PPP2R5E: variants seen among roughly 807,000 people sequenced by gnomAD.
PPP2R5E encodes protein phosphatase 2 regulatory subunit B'epsilon.
PPP2R5E carries 4 observed loss-of-function variants against 65.3 expected under a neutral mutation model. The ratio of observed to expected loss-of-function variants is 0.06; its 90% CI spans 0.03 to 0.14. PPP2R5E has a LOEUF of 0.14. Ranked by LOEUF, PPP2R5E falls within the 10% of genes least tolerant of loss-of-function variation. PPP2R5E has a pLI of 1.00. For synonymous variants in PPP2R5E, 183 were observed against 187.4 expected (o/e 0.98, Z 0.19); for missense variants, 274 against 556.1 (o/e 0.49, Z 5.10).
intron 2 of PPP2R5E, among the ~76,000 whole-genome samples, chr14:63,455,396 G>C (rs1339269440): frequency 6.6e-6 from 1 of 152,164 alleles, no homozygotes; most frequent in Non-Finnish European, 1.5e-5. Flanking sequence ...ACAAGAAGCA[G>C]TCCATATCTT....
intron 5 of PPP2R5E, among the ~76,000 whole-genome samples, chr14:63,401,932 G>C (rs1566676720): frequency 6.6e-6 from 1 of 152,132 alleles, no homozygotes; most frequent in Non-Finnish European, 1.5e-5. Flanking sequence ...GTAAGGGTGT[G>C]AGAAATAGCT....
intron 4 of PPP2R5E, among the ~76,000 whole-genome samples, chr14:63,416,228 G>A (rs1483131316): frequency 6.6e-6 from 1 of 152,224 alleles, no homozygotes; most frequent in Admixed American, 6.5e-5. Flanking sequence ...GCTGAGGAGG[G>A]AGGACTGCTT....
intron 13 of PPP2R5E, among the ~76,000 whole-genome samples, chr14:63,379,081 T>C (rs1024167815): frequency 1.3e-5 from 2 of 151,460 alleles, no homozygotes; most frequent in African/African-American, 4.9e-5. Flanking sequence ...CAGGCTGGAG[T>C]GCAGTGGTGT....
intron 2 of PPP2R5E, among the ~76,000 whole-genome samples, chr14:63,527,544 G>A (rs1422799302): frequency 6.6e-6 from 1 of 152,276 alleles, no homozygotes; most frequent in Non-Finnish European, 1.5e-5. Context: ...TCTAGCACTA[G>A]GCTAAATGTT....
chr14:63,412,564 A>C (rs1886449650), intron 5 of PPP2R5E, among the ~76,000 whole-genome samples: 2 of 152,202 alleles, frequency 1.3e-5, no homozygotes, highest in African/African-American at 4.8e-5. Context: ...AAATGAGAGA[A>C]GGTTGACAGA....
At chr14:63,380,761 C>A (rs1237550019) in intron 13 of PPP2R5E, among the ~76,000 whole-genome samples, 1 of 152,170 alleles carries the variant, frequency 6.6e-6, no homozygotes, top group African/African-American at 2.4e-5. Context: ...ATCCCAGCCT[C>A]TTCTGAGATT....
intron 2 of PPP2R5E, among the ~76,000 whole-genome samples, chr14:63,533,504 T>G (rs1594980619): frequency 6.6e-6 from 1 of 152,110 alleles, no homozygotes; most frequent in Non-Finnish European, 1.5e-5. Context: ...GAGGCTGTGG[T>G]GAGCCGAGAT....
intron 2 of PPP2R5E, among the ~76,000 whole-genome samples, chr14:63,537,661 G>A (rs1455824647): frequency 1.3e-5 from 2 of 151,998 alleles, no homozygotes; most frequent in Non-Finnish European, 1.5e-5. Context: ...GATCTTTTCC[G>A]GTTACATTCC....
At chr14:63,471,204 G>T (rs913728323) in intron 2 of PPP2R5E, among the ~76,000 whole-genome samples, 1 of 152,184 alleles carries the variant, frequency 6.6e-6, no homozygotes, top group South Asian at 2.1e-4. Context: ...GATGTCTTAT[G>T]TATAGATTGT....
At chr14:63,510,092 G>GA (rs1291997296) in intron 2 of PPP2R5E, among the ~76,000 whole-genome samples, 2 of 152,170 alleles carry the variant, frequency 1.3e-5, no homozygotes, top group Admixed American at 1.3e-4. Context: ...TATTTATAAA[G>GA]AAAAATGACC....
chr14:63,377,079 A>G lies in PPP2R5E; in HGVS notation c.1305-971T>C, dbSNP rs369982288. ...ACCCGGGGGGCGGAGATTGTGGTGGACGGAGATTGCAGCGAGCCGAGATCA... is the reference window on the plus strand; with the variant it reads ...ACCCGGGGGGCGGAGATTGTGGTGGGCGGAGATTGCAGCGAGCCGAGATCA... On this transcript the variant is annotated intron_variant, in intron 13 of 13. Coordinates refer to ENST00000337537, the MANE Select transcript of PPP2R5E (RefSeq NM_006246.5). Among the ~76,000 whole-genome samples the G allele has an allele frequency of 6.1e-4, 92 of 151,762 alleles. 4 individuals are homozygous for G. The highest frequency in any genetic ancestry group is 2.2e-3 in the African/African-American group (90 of 41,376).
In PPP2R5E at chr14:63,372,745, T is replaced by C. The variant is rs944922980; in HGVS notation, c.*3264A>G. On this transcript the variant is annotated 3_prime_UTR_variant, in exon 14 of 14. Transcript: ENST00000337537. ...CATAGTGTGATTGAGCCTAGGGCTA[T>C]ACATTTAAGTATAGCAGGTGCAATT... The C allele has an allele frequency of 2.0e-5, 3 of 152,110 alleles. No homozygotes were observed. Among genetic ancestry groups the C allele is most frequent in the African/African-American group, 7.2e-5 (3 of 41,426 alleles). The allele number at this position is 152,110 out of a possible 1,614,324, so 9.4% of individuals were successfully genotyped here.
chr14:63,382,320 C>G (rs980349387), intron 12 of PPP2R5E, among the ~76,000 whole-genome samples, 163 bp from the exon 13 acceptor site: 13 of 152,056 alleles, frequency 8.5e-5, no homozygotes, highest in African/African-American at 3.1e-4. Flanking sequence ...CAGTTCATTT[C>G]CACATCAAGA....
chr14:63,416,371 G>A (rs1292440582), intron 4 of PPP2R5E, among the ~76,000 whole-genome samples: 1 of 152,152 alleles, frequency 6.6e-6, no homozygotes, highest in Admixed American at 6.5e-5. Flanking sequence ...TACTAACTGT[G>A]TAACCCTGAG....
chr14:63,538,519 C>T (rs1025099132), intron 2 of PPP2R5E, among the ~76,000 whole-genome samples: 10 of 150,990 alleles, frequency 6.6e-5, no homozygotes, highest in African/African-American at 2.4e-4. Flanking sequence ...TCCCAAAGTG[C>T]TGGGATTACA....
Position 63,512,440 on chromosome 14 carries a change from T to C in PPP2R5E, c.157+27089A>G, listed in dbSNP as rs530576869. Among the ~76,000 whole-genome samples the C allele has an allele frequency of 3.9e-5, 6 of 152,372 alleles. No homozygotes were observed. The South Asian group carries it at 1.0e-3, about 26-fold the overall frequency. On this transcript the variant is annotated intron_variant, in intron 2 of 13. Coordinates refer to ENST00000337537, the MANE Select transcript of PPP2R5E (RefSeq NM_006246.5). ...TATTGAAAGTCTCTGGTAGACTCTG[T>C]AAGTGATCATACAAAGGCTTAATGT...
intron 2 of PPP2R5E, among the ~76,000 whole-genome samples, chr14:63,522,913 G>T (rs1418978037): frequency 1.4e-4 from 21 of 146,916 alleles, no homozygotes; most frequent in Non-Finnish European, 1.1e-4. Context: ...GGAGGTCGGG[G>T]GGTCAGCCCT....
intron 2 of PPP2R5E, among the ~76,000 whole-genome samples, chr14:63,474,729 A>G (rs867490939): frequency 1.3e-5 from 2 of 149,934 alleles, no homozygotes; most frequent in South Asian, 4.2e-4. Flanking sequence ...AAGAAATGTC[A>G]TATTTGGGGG....
chr14:63,524,581 G>T (rs1893102272), intron 2 of PPP2R5E, among the ~76,000 whole-genome samples: 1 of 152,202 alleles, frequency 6.6e-6, no homozygotes, highest in South Asian at 2.1e-4. Flanking sequence ...CAAAGATGGA[G>T]GGATGAGTGT....
Sources: gnomAD v4.1 joint callset for allele counts (sites outside exome capture counted in the v4.1 genomes callset) on GRCh38, gnomAD v4.1.1 for gene constraint, MANE v1.5 for transcripts, NCBI Gene and HGNC (gene_info 2026-07-23, HGNC 2026-07-21) for gene names.